Variants in RASAL2 observed in about 807,000 individuals in gnomAD.
RASAL2 encodes RAS protein activator like 2, also known as ras GTPase-activating protein nGAP.
Under a neutral mutation model 128.9 loss-of-function variants are expected in RASAL2, and 58 were observed. That is an observed-to-expected ratio of 0.45 (90% CI 0.36 to 0.56). RASAL2 has a LOEUF of 0.56. Ranked by LOEUF, RASAL2 falls within the 20% of genes least tolerant of loss-of-function variation. The probability of loss-of-function intolerance (pLI) is 0.00; values close to 1 mark genes in which losing one functional copy is unlikely to be tolerated. For synonymous variants in RASAL2, 561 were observed against 580.8 expected, an observed-to-expected ratio of 0.97 and a Z score of 0.49; for missense variants, 1,360 against 1,601.6, an observed-to-expected ratio of 0.85 and a Z score of 2.57.
At chr1:178,279,735 G>T (rs1195062099) in intron 1 of RASAL2, among the ~76,000 whole-genome samples, 1 of 152,134 alleles carries the variant, frequency 6.6e-6, no homozygotes, top group African/African-American at 2.4e-5. Flanking sequence ...ACAACCAAGA[G>T]TATTTATTGC....
At chr1:178,303,010 C>T (rs979689109) in intron 3 of RASAL2, among the ~76,000 whole-genome samples, 3 of 151,626 alleles carry the variant, frequency 2.0e-5, no homozygotes, top group Non-Finnish European at 1.5e-5. Flanking sequence ...GAGCGACACT[C>T]CATCTCAAAA....
intron 1 of RASAL2, among the ~76,000 whole-genome samples, chr1:178,133,145 G>GT (rs1240715736): frequency 1.3e-5 from 2 of 152,314 alleles, no homozygotes; most frequent in Non-Finnish European, 2.9e-5. Flanking sequence ...GTGCAGTTTG[G>GT]TATGTTTTAG....
At chr1:178,356,082 C>A (rs1386943855) in intron 3 of RASAL2, among the ~76,000 whole-genome samples, 5 of 150,276 alleles carry the variant, frequency 3.3e-5, no homozygotes, top group Non-Finnish European at 7.4e-5. Context: ...GGCAGAGAAT[C>A]GCTTGAACCC....
intron 4 of RASAL2, among the ~76,000 whole-genome samples, chr1:178,393,757 C>G (rs969901823): frequency 4.6e-5 from 7 of 152,134 alleles, no homozygotes. Context: ...ATAATCTGTT[C>G]CGATCATCTT....
chr1:178,344,247 G>A (rs572232322), intron 3 of RASAL2, among the ~76,000 whole-genome samples: 1 of 152,242 alleles, frequency 6.6e-6, no homozygotes, highest in Non-Finnish European at 1.5e-5. Context: ...TTTGGCTATA[G>A]TTGATCAAAA....
intron 5 of RASAL2, among the ~76,000 whole-genome samples, chr1:178,429,258 A>T (rs1486670681): frequency 1.3e-5 from 2 of 152,118 alleles, no homozygotes; most frequent in Admixed American, 6.6e-5. Flanking sequence ...CTACAGGCTT[A>T]TCCAAAAGCA....
At chr1:178,226,374 A>G (rs1168339801) in intron 1 of RASAL2, among the ~76,000 whole-genome samples, 1 of 152,158 alleles carries the variant, frequency 6.6e-6, no homozygotes, top group East Asian at 1.9e-4. Context: ...AAAAACATAC[A>G]AATGTTTGAA....
At chr1:178,172,223 T>C (rs1203408043) in intron 1 of RASAL2, among the ~76,000 whole-genome samples, 15 of 152,040 alleles carry the variant, frequency 9.9e-5, no homozygotes. Context: ...TAAAATCAAT[T>C]ATATCTACAA....
At chr1:178,285,267 C>T (rs1266934465) in intron 2 of RASAL2, among the ~76,000 whole-genome samples, 3 of 151,314 alleles carry the variant, frequency 2.0e-5, no homozygotes, top group South Asian at 4.2e-4. Context: ...ACTACAGGCG[C>T]CCGCCACCGC....
At chr1:178,365,034 T>C (rs947681663) in intron 3 of RASAL2, among the ~76,000 whole-genome samples, 7 of 151,730 alleles carry the variant, frequency 4.6e-5, no homozygotes, top group African/African-American at 1.7e-4. Flanking sequence ...GTTGAGCACA[T>C]GTTTTATAAT....
chr1:178,255,722 A>C (rs1207240222), intron 1 of RASAL2, among the ~76,000 whole-genome samples: 1 of 152,152 alleles, frequency 6.6e-6, no homozygotes, highest in Non-Finnish European at 1.5e-5. Context: ...CTTTATTTAA[A>C]TGTATTAGAA....
chr1:178,474,238 A>T lies in RASAL2; in HGVS notation c.*999A>T, dbSNP rs992794465. ...TCTTCCATACAGAAAAGGGCTAACC[A>T]TACCACAGCTGGAATCTCTGAATAT... On this transcript the variant is annotated 3_prime_UTR_variant, in exon 18 of 18. Coordinates refer to ENST00000367649, the MANE Select transcript of RASAL2 (RefSeq NM_170692.4). The T allele has an allele frequency of 6.6e-6, 1 of 152,636 alleles. No homozygotes were observed. Among genetic ancestry groups the T allele is most frequent in the South Asian group, 2.1e-4 (1 of 4,824 alleles). 9.5% of individuals were successfully genotyped at this position (152,636 alleles called of 1,614,324 possible).
At chr1:178,146,189 G>T (rs1234708369) in intron 1 of RASAL2, among the ~76,000 whole-genome samples, 1 of 152,178 alleles carries the variant, frequency 6.6e-6, no homozygotes, top group East Asian at 1.9e-4. Flanking sequence ...AGTTGCCATG[G>T]ACTTGTATTC....
rs1648704475 is a variant in RASAL2 at position 178,476,781 on chromosome 1, AC to A, written c.*3546del. The A allele has an allele frequency of 1.3e-5, 2 of 152,156 alleles. No homozygotes were observed. Among genetic ancestry groups the A allele is most frequent in the Admixed American group, 6.5e-5 (1 of 15,282 alleles). 9.4% of individuals were successfully genotyped at this position (152,156 alleles called of 1,614,324 possible). A position where few individuals can be genotyped will look rare whatever the true frequency, so the allele number is the denominator to read the frequency against. ...TGTTGATGGGTCTGTGGTTCTGTAG[AC>A]CCCTGGCTTTCACTGTGTTCTCAGA... On this transcript the variant is annotated 3_prime_UTR_variant, in exon 18 of 18. Transcript: ENST00000367649.
chr1:178,233,563 GACA>G (rs1664100286), intron 1 of RASAL2, among the ~76,000 whole-genome samples: 1 of 152,166 alleles, frequency 6.6e-6, no homozygotes, highest in Non-Finnish European at 1.5e-5. Flanking sequence ...CTGGTTGAAC[GACA>G]ACAACAAAAG....
chr1:178,395,438 C>T (rs1673152522), intron 4 of RASAL2, among the ~76,000 whole-genome samples: 1 of 152,122 alleles, frequency 6.6e-6, no homozygotes, highest in African/African-American at 2.4e-5. Flanking sequence ...ATACTAATTG[C>T]TGAGTTGCCT....
chr1:178,306,751 TTTC>T lies in RASAL2; in HGVS notation c.457+6639_457+6641del, dbSNP rs1399615478. Among the ~76,000 whole-genome samples, 5 of 151,858 alleles carry T rather than the reference TTTC, an allele frequency of 3.3e-5. No homozygotes were observed. In the South Asian group the frequency reaches 1.0e-3, roughly 32 times the overall value. On this transcript the variant is annotated intron_variant, in intron 3 of 17. Transcript: ENST00000367649. ...CCCACTTTTTGATGGGGTTGTTTGTTTTCTTCTTGTAAATTTGTTTGAGTTCAT... is the reference window on the plus strand; with the variant it reads ...CCCACTTTTTGATGGGGTTGTTTGTTTTCTTGTAAATTTGTTTGAGTTCAT...
intron 2 of RASAL2, among the ~76,000 whole-genome samples, chr1:178,288,754 G>A (rs1044259953): frequency 2.8e-5 from 4 of 144,438 alleles, no homozygotes; most frequent in South Asian, 4.5e-4. Flanking sequence ...GGGTTCAAGC[G>A]ATTCTCCTGC....
chr1:178,411,791 C>T (rs1420955921), intron 4 of RASAL2: 18 of 777,554 alleles, frequency 2.3e-5, no homozygotes, highest in Non-Finnish European at 4.3e-5. Flanking sequence ...TTTTTGGCTG[C>T]CCAGGATGTG....
Sources: allele counts gnomAD v4.1 joint callset (sites outside exome capture counted in the v4.1 genomes callset), GRCh38; gene constraint gnomAD v4.1.1; transcripts MANE v1.5; gene names NCBI Gene and HGNC (gene_info 2026-07-23, HGNC 2026-07-21).